MET: variants seen among roughly 807,000 people sequenced by gnomAD.
MET encodes hepatocyte growth factor receptor.
MET carries 48 observed loss-of-function variants against 133.1 expected under a neutral mutation model. That is an observed-to-expected ratio of 0.36 (90% confidence interval 0.29 to 0.46). The LOEUF is 0.46. Ranked by LOEUF, MET falls within the 20% of genes least tolerant of loss-of-function variation. The probability of loss-of-function intolerance (pLI) is 1.00; values close to 1 mark genes in which losing one functional copy is unlikely to be tolerated. For missense variants in MET, 1,442 were observed against 1,695.9 expected (o/e 0.85, Z 2.63); for synonymous variants, 628 against 616.5 (o/e 1.02, Z -0.28).
At position 116,743,390 on chromosome 7, in the gene MET, C is replaced by T. The variant is rs561791444; in HGVS notation, c.1701+2365C>T. Among the ~76,000 whole-genome samples the T allele has an allele frequency of 9.7e-4, 148 of 152,268 alleles. 1 individual carries two copies. Among genetic ancestry groups the T allele is most frequent in the African/African-American group, 3.4e-3 (143 of 41,556 alleles). ...CCAGCAAGACAGAACCATTCACTCC[C>T]CTGGAAAGGGGGCTGAAGCCAGGGA... is the stretch of plus-strand genomic sequence containing the variant. On this transcript the variant is annotated intron_variant, in intron 5 of 20. Coordinates refer to ENST00000397752, the MANE Select transcript of MET (RefSeq NM_000245.4).
chr7:116,698,961 A>G (rs1420111639), intron 1 of MET, 110 bp from the exon 2 acceptor site: 3 of 1,491,970 alleles, frequency 2.0e-6, no homozygotes, highest in Non-Finnish European at 2.7e-6. Flanking sequence ...CTTCTATGTA[A>G]AAGTCCAGTT....
At chr7:116,729,348 G>A (rs554313324) in intron 2 of MET, among the ~76,000 whole-genome samples, 6 of 152,236 alleles carry the variant, frequency 3.9e-5, no homozygotes, top group South Asian at 2.1e-4. Flanking sequence ...TGAAGAAATC[G>A]TTGTTGATAT....
At chr7:116,762,205 T>C (rs1274873645) in intron 10 of MET, among the ~76,000 whole-genome samples, 1 of 151,980 alleles carries the variant, frequency 6.6e-6, no homozygotes, top group Non-Finnish European at 1.5e-5. Context: ...TAGGAAAAGG[T>C]TTCAGTATAA....
intron 1 of MET, among the ~76,000 whole-genome samples, chr7:116,691,974 C>T (rs1484337568): frequency 2.6e-5 from 4 of 151,914 alleles, no homozygotes; most frequent in South Asian, 2.1e-4. Flanking sequence ...AAAGAGTTGC[C>T]GGTATAAGAG....
intron 6 of MET, among the ~76,000 whole-genome samples, chr7:116,756,273 C>G (rs956403076): frequency 9.2e-5 from 14 of 152,028 alleles, no homozygotes; most frequent in Non-Finnish European, 2.1e-4. Context: ...ATCAGAGAAT[C>G]CAGAAATTAT....
chr7:116,791,291 G>A (rs1225105688), intron 19 of MET, among the ~76,000 whole-genome samples: 1 of 152,090 alleles, frequency 6.6e-6, no homozygotes, highest in East Asian at 1.9e-4. Flanking sequence ...TTTTCAAAGT[G>A]GCTGTATCAT....
rs786201612 is a variant in MET, at chr7:116,783,355, C to T, written c.3684C>T (p.Asp1228=). The part of the protein sequence containing the change: ...VKVADFGLAR[D]MYDKEYYSVH... Reference sequence around the variant, plus strand: ...TTGCTGATTTTGGTCTTGCCAGAGACATGTATGATAAAGAATACTATAGTG... The same window carrying T: ...TTGCTGATTTTGGTCTTGCCAGAGATATGTATGATAAAGAATACTATAGTG... Residue 1228 remains aspartate, a synonymous_variant, in exon 19 of 21, where the codon GAC becomes GAT. Coordinates refer to ENST00000397752, the MANE Select transcript of MET (RefSeq NM_000245.4). 3.7e-6 allele frequency: 6 copies of T among 1,613,982 alleles called. No homozygotes were observed. The Admixed American group carries it at 6.7e-5, about 18-fold the overall frequency.
chr7:116,770,051 T>G (rs1162302732), intron 12 of MET: 1 of 530,176 alleles, frequency 1.9e-6, no homozygotes, highest in African/African-American at 1.9e-5. Context: ...CAAAATTTGC[T>G]GTAATTCTCA....
intron 1 of MET, among the ~76,000 whole-genome samples, chr7:116,674,787 C>G (rs1461653958): frequency 6.6e-6 from 1 of 152,198 alleles, no homozygotes; most frequent in African/African-American, 2.4e-5. Context: ...GCCTTCCGTG[C>G]CCCCATTTCT....
intron 14 of MET, 27 bp from the exon 15 acceptor site, chr7:116,774,851 GTTC>G: frequency 6.4e-7 from 1 of 1,561,974 alleles, no homozygotes; most frequent in South Asian, 1.1e-5. Context: ...TTTTACTGTT[GTTC>G]TTTAATAATT....
intron 1 of MET, among the ~76,000 whole-genome samples, chr7:116,698,839 T>C (rs1487559453): frequency 6.6e-6 from 1 of 152,232 alleles, no homozygotes; most frequent in Non-Finnish European, 1.5e-5. Flanking sequence ...TGCATCTCAA[T>C]GGTTCTCTAA....
chr7:116,672,525 C>A lies in MET; in HGVS notation c.-67C>A, dbSNP rs566792422. On this transcript the variant is annotated 5_prime_UTR_variant, in exon 1 of 21. Coordinates refer to ENST00000397752, the MANE Select transcript of MET (RefSeq NM_000245.4). Reference sequence around the variant, plus strand: ...AGAGGAGGCGGGGAGGCGCGGAGCGCGCGTGTGGTCCTTGCGCCGCTGACT... The same window carrying A: ...AGAGGAGGCGGGGAGGCGCGGAGCGAGCGTGTGGTCCTTGCGCCGCTGACT... The A allele has an allele frequency of 2.3e-5, 9 of 397,774 alleles. No homozygotes were observed. The highest frequency in any genetic ancestry group is 8.2e-5 in the African/African-American group (4 of 48,714). 24.6% of individuals were successfully genotyped at this position (397,774 alleles called of 1,614,324 possible). A position where few individuals can be genotyped will look rare whatever the true frequency, so the allele number is the denominator to read the frequency against.
intron 2 of MET, among the ~76,000 whole-genome samples, chr7:116,714,033 G>A (rs771843017): frequency 6.6e-6 from 1 of 152,174 alleles, no homozygotes; most frequent in East Asian, 1.9e-4. Context: ...GAGGAAAGCA[G>A]AAAACCTCTT....
chr7:116,782,168 T>G, intron 18 of MET, 71 bp downstream of exon 18: 2 of 1,059,326 alleles, frequency 1.9e-6, no homozygotes, highest in Non-Finnish European at 2.9e-6. Flanking sequence ...CACTGTTCAA[T>G]GCTAGTTAAG....
At chr7:116,678,983 A>G (rs1370114971) in intron 1 of MET, among the ~76,000 whole-genome samples, 4 of 152,202 alleles carry the variant, frequency 2.6e-5, no homozygotes, top group Non-Finnish European at 1.5e-5. Flanking sequence ...TTAGGTCTAA[A>G]ATCTTGCAAC....
intron 1 of MET, among the ~76,000 whole-genome samples, chr7:116,689,597 C>G (rs940060335): frequency 5.4e-5 from 6 of 110,200 alleles, no homozygotes; most frequent in Non-Finnish European, 6.7e-5. Flanking sequence ...GAGACAGAGT[C>G]TGGCTCTGTC....
At chr7:116,712,282 T>A (rs1366233668) in intron 2 of MET, among the ~76,000 whole-genome samples, 1 of 152,212 alleles carries the variant, frequency 6.6e-6, no homozygotes, top group Non-Finnish European at 1.5e-5. Context: ...ACTCATCCCC[T>A]GCCCCCCATA....
At chr7:116,772,110 C>G (rs1375324943) in intron 14 of MET, 121 bp downstream of exon 14, 1 of 1,069,224 alleles carries the variant, frequency 9.4e-7, no homozygotes, top group Non-Finnish European at 1.4e-6. Context: ...AAGTATTTAC[C>G]TCTGCCAAGT....
intron 1 of MET, among the ~76,000 whole-genome samples, chr7:116,676,947 G>T (rs1298495458): frequency 1.3e-5 from 2 of 151,622 alleles, no homozygotes; most frequent in African/African-American, 2.4e-5. Flanking sequence ...ACATCTCTTG[G>T]TTTATGAGAC....
Sources: gnomAD v4.1 joint callset for allele counts (sites outside exome capture counted in the v4.1 genomes callset) on GRCh38, gnomAD v4.1.1 for gene constraint, MANE v1.5 for transcripts, NCBI Gene and HGNC (gene_info 2026-07-23, HGNC 2026-07-21) for gene names.